Variants in ENPP2 observed in about 807,000 individuals in gnomAD.
The protein encoded by ENPP2 is autotaxin.
A neutral mutation model predicts 120.2 loss-of-function variants in ENPP2; 51 were observed. The observed-to-expected ratio is 0.42, with a 90% CI of 0.34 to 0.54. The LOEUF (loss-of-function observed/expected upper bound fraction) is 0.54, where lower values mean the gene tolerates loss of function less well. Ranked by LOEUF, ENPP2 falls within the 20% of genes least tolerant of loss-of-function variation. The probability of loss-of-function intolerance (pLI) is 0.04; values close to 1 mark genes in which losing one functional copy is unlikely to be tolerated. For missense variants in ENPP2, 920 were observed against 1,066.5 expected (o/e 0.86, Z 1.91); for synonymous variants, 365 against 366.4 (o/e 1.00, Z 0.04).
intron 4 of ENPP2, among the ~76,000 whole-genome samples, chr8:119,621,096 C>T (rs574412301): frequency 1.3e-5 from 2 of 152,314 alleles, no homozygotes; most frequent in African/African-American, 4.8e-5. Flanking sequence ...TACCGAATTC[C>T]TGTCTCAGGA....
intron 15 of ENPP2, among the ~76,000 whole-genome samples, chr8:119,584,282 C>T (rs34087519): frequency 0.011 from 1,659 of 152,124 alleles, 10 homozygotes; most frequent in Non-Finnish European, 0.014. Flanking sequence ...GTCACGATGC[C>T]CTCCTTGGAG....
chr8:119,561,877 G>A (rs915969444), intron 24 of ENPP2, among the ~76,000 whole-genome samples: 3 of 152,076 alleles, frequency 2.0e-5, no homozygotes, highest in South Asian at 2.1e-4. Context: ...AGTGGCTCAC[G>A]CCTGTAATCC....
In ENPP2 at chr8:119,630,113, C is replaced by CTT. The variant is rs796669944; in HGVS notation, c.137-3395_137-3394dup. On this transcript the variant is annotated intron_variant, in intron 2 of 24. Coordinates refer to ENST00000075322, the MANE Select transcript of ENPP2 (RefSeq NM_001040092.3). ...ATCATCATTTCTTCCCTATTTCTTT[C>CTT]TTTTTTTTTTTTGAGACGGAGTTTT... 3.4e-3 allele frequency among the ~76,000 whole-genome samples: 501 copies of CTT among 145,888 alleles called. 5 individuals are homozygous for CTT. Among genetic ancestry groups the CTT allele is most frequent in the African/African-American group, 0.012 (474 of 40,044 alleles).
upstream of ENPP2, among the ~76,000 whole-genome samples, chr8:119,642,998 T>C (rs192247091): frequency 3.3e-5 from 5 of 152,308 alleles, no homozygotes; most frequent in South Asian, 2.1e-4. Flanking sequence ...CTGACATCAC[T>C]AGATTTAACA....
At chr8:119,613,763 T>C (rs1815269640) in intron 8 of ENPP2, among the ~76,000 whole-genome samples, 1 of 151,952 alleles carries the variant, frequency 6.6e-6, no homozygotes, top group South Asian at 2.1e-4. Context: ...ATATAATAAT[T>C]GTGCATATTT....
intron 1 of ENPP2, among the ~76,000 whole-genome samples, chr8:119,672,197 C>T (rs996445839): frequency 1.3e-5 from 2 of 152,098 alleles, no homozygotes; most frequent in Non-Finnish European, 2.9e-5. Context: ...GGAAGAGGAG[C>T]AGAAAACTGA....
chr8:119,601,882 G>T (rs2130569882), intron 9 of ENPP2, among the ~76,000 whole-genome samples: 1 of 152,292 alleles, frequency 6.6e-6, no homozygotes, highest in African/African-American at 2.4e-5. Flanking sequence ...CTCGGTCTCA[G>T]TTTACTCATC....
chr8:119,622,570 G>A (rs1393682413), intron 3 of ENPP2, among the ~76,000 whole-genome samples: 3 of 152,184 alleles, frequency 2.0e-5, no homozygotes, highest in African/African-American at 7.2e-5. Context: ...CTGCTAGAGT[G>A]TAAGCGCCAT....
intron 2 of ENPP2, among the ~76,000 whole-genome samples, chr8:119,636,240 A>C (rs1816992373): frequency 6.6e-6 from 1 of 152,236 alleles, no homozygotes; most frequent in African/African-American, 2.4e-5. Context: ...CAATCGAGAG[A>C]GATCCTTTCT....
chr8:119,566,397 C>T (rs1413816825), intron 22 of ENPP2, among the ~76,000 whole-genome samples: 1 of 152,218 alleles, frequency 6.6e-6, no homozygotes, highest in Non-Finnish European at 1.5e-5. Flanking sequence ...CCTGGCCATG[C>T]TTCTCATACT....
At chr8:119,673,085 C>T (rs1818299921) in intron 1 of ENPP2, among the ~76,000 whole-genome samples, 1 of 152,208 alleles carries the variant, frequency 6.6e-6, no homozygotes, top group Admixed American at 6.5e-5. Context: ...TCCGCATTTG[C>T]GCGCCTGCAA....
At chr8:119,611,501 T>C (rs1184917034) in intron 8 of ENPP2, among the ~76,000 whole-genome samples, 3 of 152,170 alleles carry the variant, frequency 2.0e-5, no homozygotes, top group African/African-American at 7.2e-5. Flanking sequence ...GAGGAAGCTG[T>C]TGGCATGTGG....
chr8:119,560,022 T>C (rs927707732), intron 24 of ENPP2, among the ~76,000 whole-genome samples: 25 of 152,190 alleles, frequency 1.6e-4, no homozygotes, highest in Non-Finnish European at 2.9e-5. Flanking sequence ...ATTTCATTTA[T>C]CAGATATAAA....
chr8:119,637,690 G>A (rs1436039351), intron 2 of ENPP2, among the ~76,000 whole-genome samples: 1 of 152,110 alleles, frequency 6.6e-6, no homozygotes, highest in Non-Finnish European at 1.5e-5. Context: ...CAATTTCCAG[G>A]AAATTAACCA....
intron 19 of ENPP2, chr8:119,571,920 C>T (rs745383): frequency 0.24 from 81,270 of 344,558 alleles, 10,593 homozygotes; most frequent in East Asian, 0.34. Flanking sequence ...GATAGAACTG[C>T]GGATTTGAGA....
At chr8:119,621,089 C>T (rs1243064880) in intron 4 of ENPP2, among the ~76,000 whole-genome samples, 2 of 152,134 alleles carry the variant, frequency 1.3e-5, no homozygotes, top group South Asian at 2.1e-4. Flanking sequence ...CTGCATGTAC[C>T]GAATTCCTGT....
chr8:119,673,229 G>A, intron 1 of ENPP2: 1 of 1,529,460 alleles, frequency 6.5e-7, no homozygotes. Flanking sequence ...TGGAGGACGG[G>A]TAGAGAGAGG....
rs138313398 is a variant in ENPP2 at position 119,622,802 on chromosome 8, C to T, written c.293-1283G>A. Among the ~76,000 whole-genome samples the T allele has an allele frequency of 3.3e-3, 504 of 152,024 alleles. 3 individuals are homozygous for T. The highest frequency in any genetic ancestry group is 0.01 in the African/African-American group (435 of 41,460). On this transcript the variant is annotated intron_variant, in intron 3 of 24. Coordinates refer to ENST00000075322, the MANE Select transcript of ENPP2 (RefSeq NM_001040092.3). ...TCATTGACTCTTATACCATGTTTTC[C>T]GTGTTCTCGGTGCCAGGATGTCATA...
intron 24 of ENPP2, among the ~76,000 whole-genome samples, chr8:119,560,042 G>A (rs758343907): frequency 1.3e-5 from 2 of 152,088 alleles, no homozygotes; most frequent in Non-Finnish European, 2.9e-5. Flanking sequence ...AATTTAGATC[G>A]ATTACAGAAC....
Sources: allele counts gnomAD v4.1 joint callset (sites outside exome capture counted in the v4.1 genomes callset), GRCh38; gene constraint gnomAD v4.1.1; transcripts MANE v1.5; gene names NCBI Gene and HGNC (gene_info 2026-07-23, HGNC 2026-07-21).